The following LANCL1 variants were observed in gnomAD, a reference collection of about 807,000 sequenced individuals.
The protein encoded by LANCL1 is LanC like glutathione S-transferase 1.
In LANCL1, 50 loss-of-function variants were observed where a neutral mutation model predicts 50.6. That is an observed-to-expected ratio of 0.99 (90% CI 0.79 to 1.25). The LOEUF (loss-of-function observed/expected upper bound fraction) is 1.25. Ranked by LOEUF, LANCL1 falls within the 50% of genes most tolerant of loss-of-function variation. The pLI, the probability that LANCL1 is intolerant of heterozygous loss-of-function variation, is 0.00. For missense variants in LANCL1, 532 were observed against 480.7 expected, an observed-to-expected ratio of 1.11 and a Z score of -1.00; for synonymous variants, 188 against 178.6, an observed-to-expected ratio of 1.05 and a Z score of -0.42.
chr2:210,468,698 T>G (rs966323844), intron 3 of LANCL1: 1 of 152,204 alleles, frequency 6.6e-6, no homozygotes, highest in Non-Finnish European at 1.5e-5. Context: ...GAAAAGCTGA[T>G]GTAATGACTG....
At chr2:210,452,232 TAA>T (rs34667709) in intron 4 of LANCL1, among the ~76,000 whole-genome samples, 21 of 141,954 alleles carry the variant, frequency 1.5e-4, no homozygotes, top group Admixed American at 2.8e-4. Context: ...TTCTGCTTAT[TAA>T]AAAAAAAAAA....
At chr2:210,435,690 A>C (rs1236394388) in intron 8 of LANCL1, among the ~76,000 whole-genome samples, 1 of 152,128 alleles carries the variant, frequency 6.6e-6, no homozygotes, top group Non-Finnish European at 1.5e-5. Context: ...AAAGGCACAA[A>C]ATCACCCTAC....
chr2:210,477,081 T>C (rs958657151), upstream of LANCL1, among the ~76,000 whole-genome samples: 2 of 145,084 alleles, frequency 1.4e-5, no homozygotes, highest in Non-Finnish European at 3.0e-5. Context: ...TCGCAATAGA[T>C]AAAATTTGGC....
intron 3 of LANCL1, among the ~76,000 whole-genome samples, chr2:210,470,726 A>G (rs900138744): frequency 1.3e-5 from 2 of 152,166 alleles, no homozygotes; most frequent in Non-Finnish European, 2.9e-5. Flanking sequence ...AATTTCTCTC[A>G]GAAAGCTTTC....
intron 6 of LANCL1, among the ~76,000 whole-genome samples, chr2:210,438,133 CTTTTTTT>C (rs397869730): frequency 6.9e-5 from 9 of 130,632 alleles, no homozygotes; most frequent in Non-Finnish European, 9.9e-5. Flanking sequence ...GTTTTTCTTT[CTTTTTTT>C]TTTTTTTTTT....
At chr2:210,472,234 T>A (rs1333770625) in intron 2 of LANCL1, among the ~76,000 whole-genome samples, 158 bp from the exon 3 acceptor site, 1 of 152,186 alleles carries the variant, frequency 6.6e-6, no homozygotes, top group African/African-American at 2.4e-5. Flanking sequence ...AACAACAACA[T>A]CACATTAACA....
At chr2:210,436,973 A>G (rs1421948111) in intron 7 of LANCL1, among the ~76,000 whole-genome samples, 2 of 152,210 alleles carry the variant, frequency 1.3e-5, no homozygotes, top group Non-Finnish European at 2.9e-5. Flanking sequence ...TAACATATCT[A>G]ATTCTCTGAA....
At chr2:210,460,873 C>A (rs1693833667) in intron 3 of LANCL1, 1 of 151,988 alleles carries the variant, frequency 6.6e-6, no homozygotes, top group African/African-American at 2.4e-5. Flanking sequence ...ATAAAGAGGG[C>A]AAATAAGTAC....
At chr2:210,462,723 C>T (rs1693902552) in intron 3 of LANCL1, among the ~76,000 whole-genome samples, 1 of 152,078 alleles carries the variant, frequency 6.6e-6, no homozygotes, top group Admixed American at 6.6e-5. Flanking sequence ...GCTGCAAATG[C>T]CTGTAAGTCT....
At chr2:210,459,822 G>A (rs1198637308) in intron 3 of LANCL1, among the ~76,000 whole-genome samples, 1 of 151,514 alleles carries the variant, frequency 6.6e-6, no homozygotes, top group Admixed American at 6.6e-5. Flanking sequence ...AATCAGTCCT[G>A]GCTTCAGCAC....
In LANCL1 at chr2:210,440,615, A is replaced by G. The variant is rs1693098056; in HGVS notation, c.673T>C (p.Tyr225His). The G allele has an allele frequency of 2.5e-6, 4 of 1,612,816 alleles. No homozygotes were observed. The East Asian group carries it at 8.9e-5, about 36-fold the overall frequency. The change falls in exon 6 of 10, where the codon TAT becomes CAT. Residue 225 changes from tyrosine to histidine, a missense_variant. By Grantham distance (83) the Tyr-to-His change is moderately conservative. Transcript: ENST00000450366. ...VGAAHGLAGI[Y>H]YYLMQPSLQV... The stretch of plus-strand genomic sequence containing the variant: ...CTCCTTACCTGCATCAGGTAGTAAT[A>G]AATTCCAGCCAGGCCATGAGCAGCC...
At chr2:210,474,386 G>A (rs1694298685) in intron 2 of LANCL1, among the ~76,000 whole-genome samples, 1 of 152,084 alleles carries the variant, frequency 6.6e-6, no homozygotes, top group Non-Finnish European at 1.5e-5. Context: ...TCTTGGGTCA[G>A]GGTTTAAATT....
intron 3 of LANCL1, among the ~76,000 whole-genome samples, chr2:210,455,808 G>GTT (rs1292052898): frequency 1.4e-5 from 2 of 142,144 alleles, no homozygotes; most frequent in African/African-American, 5.4e-5. Flanking sequence ...GTGTGTGTGT[G>GTT]TGTTTTTTTT....
intron 4 of LANCL1, among the ~76,000 whole-genome samples, chr2:210,443,733 G>A (rs1206921331): frequency 3.9e-5 from 6 of 152,034 alleles, no homozygotes; most frequent in Non-Finnish European, 7.4e-5. Flanking sequence ...TCCAACCCCC[G>A]CCCCAAAGTG....
intron 3 of LANCL1, chr2:210,460,493 A>T (rs955450849): frequency 6.6e-6 from 1 of 152,082 alleles, no homozygotes; most frequent in African/African-American, 2.4e-5. Context: ...AAAAATAAGA[A>T]GTGAAAGTAT....
chr2:210,476,902 G>T, upstream of LANCL1: 1 of 727,262 alleles, frequency 1.4e-6, no homozygotes, highest in African/African-American at 1.9e-5. Context: ...TAGCAGAAGT[G>T]AGGACCTAGA....
intron 7 of LANCL1, among the ~76,000 whole-genome samples, chr2:210,437,280 T>A (rs1041536084): frequency 3.9e-5 from 6 of 152,234 alleles, no homozygotes; most frequent in African/African-American, 1.4e-4. Flanking sequence ...AATAGCAGAA[T>A]AATAATCCAT....
At chr2:210,443,768 G>A (rs1693222332) in intron 4 of LANCL1, among the ~76,000 whole-genome samples, 1 of 152,114 alleles carries the variant, frequency 6.6e-6, no homozygotes. Flanking sequence ...CTCTAAGCAG[G>A]AGTCAACACT....
intron 3 of LANCL1, among the ~76,000 whole-genome samples, chr2:210,465,445 C>A (rs1694023496): frequency 6.6e-6 from 1 of 152,228 alleles, no homozygotes; most frequent in East Asian, 1.9e-4. Flanking sequence ...CAGTTGCCTG[C>A]CATTTTAAGA....
Sources: gnomAD v4.1 joint callset for allele counts (sites outside exome capture counted in the v4.1 genomes callset) on GRCh38, gnomAD v4.1.1 for gene constraint, MANE v1.5 for transcripts, NCBI Gene and HGNC (gene_info 2026-07-23, HGNC 2026-07-21) for gene names.